Variants in NECAB1 observed in about 807,000 individuals in gnomAD.
NECAB1 encodes N-terminal EF-hand calcium binding protein 1.
In NECAB1, 29 loss-of-function variants were observed where a neutral mutation model predicts 57.5. The observed-to-expected ratio is 0.50, with a 90% confidence interval of 0.38 to 0.69. The LOEUF is 0.69. Ranked by LOEUF, NECAB1 falls within the 30% of genes least tolerant of loss-of-function variation. The pLI, the probability that NECAB1 is intolerant of heterozygous loss-of-function variation, is 0.00. For missense variants in NECAB1, 372 were observed against 413.8 expected (o/e 0.90, Z 0.88); for synonymous variants, 142 against 147.7 (o/e 0.96, Z 0.28).
At chr8:90,849,668 T>G (rs1812643620) in intron 3 of NECAB1, among the ~76,000 whole-genome samples, 1 of 149,578 alleles carries the variant, frequency 6.7e-6, no homozygotes, top group African/African-American at 2.5e-5. Flanking sequence ...AGTTTTTTTA[T>G]GTTTAAAGTT....
intron 10 of NECAB1, among the ~76,000 whole-genome samples, chr8:90,947,439 T>G (rs370758964): frequency 1.1e-4 from 16 of 150,530 alleles, no homozygotes; most frequent in African/African-American, 3.7e-4. Context: ...CTCGCTCTGT[T>G]GCCCAGGCTG....
At chr8:90,916,798 G>GTCTGCAGTGACC (rs969900448) in intron 5 of NECAB1, among the ~76,000 whole-genome samples, 4 of 152,086 alleles carry the variant, frequency 2.6e-5, no homozygotes, top group African/African-American at 9.7e-5. Context: ...CACTTATTCA[G>GTCTGCAGTGACC]TCTGCAGTGA....
At chr8:90,924,459 G>A (rs1563536474) in intron 6 of NECAB1, among the ~76,000 whole-genome samples, 1 of 152,056 alleles carries the variant, frequency 6.6e-6, no homozygotes, top group Non-Finnish European at 1.5e-5. Flanking sequence ...GAAAATTTTT[G>A]GATGAGTACA....
intron 4 of NECAB1, among the ~76,000 whole-genome samples, chr8:90,880,077 T>C (rs1808809216): frequency 6.6e-6 from 1 of 152,220 alleles, no homozygotes. Context: ...TATAAACAAA[T>C]ATTTCCTAGA....
At position 90,959,074 on chromosome 8, in the gene NECAB1, C is replaced by G. The variant is rs939613401; in HGVS notation, c.*3562C>G. On this transcript the variant is annotated 3_prime_UTR_variant, in exon 13 of 13. Coordinates refer to ENST00000417640, the MANE Select transcript of NECAB1 (RefSeq NM_022351.5). ...AGTTAATTTATCAATTGATTGAATA[C>G]AGTTTTTACTAATTAGTTTATCAAA... 1.7e-5 allele frequency: 16 copies of G among 921,794 alleles called. No homozygotes were observed. Among genetic ancestry groups the G allele is most frequent in the Non-Finnish European group, 2.4e-5 (15 of 620,668 alleles). 57.1% of individuals were successfully genotyped at this position (921,794 alleles called of 1,614,324 possible).
At chr8:90,853,180 G>A (rs1342002034) in intron 3 of NECAB1, among the ~76,000 whole-genome samples, 1 of 152,250 alleles carries the variant, frequency 6.6e-6, no homozygotes, top group Non-Finnish European at 1.5e-5. Context: ...CTCCTGTGAG[G>A]GGTGGAGTGC....
At chr8:90,945,095 G>A (rs949321483) in intron 10 of NECAB1, among the ~76,000 whole-genome samples, 8 of 151,556 alleles carry the variant, frequency 5.3e-5, no homozygotes, top group South Asian at 4.2e-4. Flanking sequence ...ATGGAGTCTC[G>A]CTCTGTCGCC....
chr8:90,944,153 TA>T (rs1314254579), intron 10 of NECAB1, among the ~76,000 whole-genome samples: 1 of 152,204 alleles, frequency 6.6e-6, no homozygotes, highest in African/African-American at 2.4e-5. Flanking sequence ...TGTCTGACTC[TA>T]AAACTAGCGT....
rs192171136 is a variant in NECAB1 at position 90,929,907 on chromosome 8, T to A, written c.693+1608T>A. Among the ~76,000 whole-genome samples, 49 of 152,250 alleles carry A rather than the reference T, an allele frequency of 3.2e-4. 1 individual carries two copies. The highest frequency in any genetic ancestry group is 1.2e-3 in the African/African-American group (48 of 41,552). ...AAGAGTCTTTCATGTAGGGAAGTAG[T>A]AACAAATAAGGTTGTATGGACCGAA... On this transcript the variant is annotated intron_variant, in intron 8 of 12. Coordinates refer to ENST00000417640, the MANE Select transcript of NECAB1 (RefSeq NM_022351.5).
chr8:90,833,846 T>A (rs1208576579), intron 3 of NECAB1, among the ~76,000 whole-genome samples: 1 of 152,130 alleles, frequency 6.6e-6, no homozygotes, highest in Non-Finnish European at 1.5e-5. Context: ...CAGTTACAGT[T>A]GTTCTCCATG....
At chr8:90,805,355 A>G (rs2129652999) in intron 2 of NECAB1, among the ~76,000 whole-genome samples, 2 of 150,694 alleles carry the variant, frequency 1.3e-5, no homozygotes, top group South Asian at 4.2e-4. Context: ...AATAGGCAGT[A>G]TAATTGTTCG....
intron 3 of NECAB1, among the ~76,000 whole-genome samples, chr8:90,863,846 T>C (rs2129818481): frequency 6.6e-6 from 1 of 152,304 alleles, no homozygotes; most frequent in Admixed American, 6.5e-5. Flanking sequence ...AAATAGAAGC[T>C]AGTTTTTATT....
At position 90,917,553 on chromosome 8, in the gene NECAB1, T is replaced by A. The variant is rs960930533; in HGVS notation, c.419T>A (p.Leu140Gln). Residue 140 changes from leucine to glutamine, a missense_variant, in exon 6 of 13, where the codon CTG (leucine) becomes CAG (glutamine). Transcript: ENST00000417640. ...ACTAGATTTTTATTGAAGGAAACCC[T>A]GAATCAGCTGCAGTCTCTCCAGAAT... is the stretch of plus-strand genomic sequence containing the variant. ...FVTRFLLKETLNQLQSLQNSL... is the reference protein window; with the variant it reads ...FVTRFLLKETQNQLQSLQNSL... 2 of 1,612,098 alleles carry A rather than the reference T, an allele frequency of 1.2e-6. No individual in the cohort carries two copies. Among genetic ancestry groups the A allele is most frequent in the Non-Finnish European group, 1.7e-6 (2 of 1,178,808 alleles).
At chr8:90,859,334 AAAC>A (rs752642136) in intron 3 of NECAB1, 1 of 152,212 alleles carries the variant, frequency 6.6e-6, no homozygotes, top group Admixed American at 6.5e-5. Flanking sequence ...CTATCCATTG[AAAC>A]AACGAGTATT....
intron 2 of NECAB1, among the ~76,000 whole-genome samples, chr8:90,822,414 A>G (rs1586041270): frequency 6.6e-6 from 1 of 151,940 alleles, no homozygotes; most frequent in Non-Finnish European, 1.5e-5. Flanking sequence ...GGCCACCTAA[A>G]GTGAAGTCTT....
chr8:90,824,912 C>T (rs566879244), intron 3 of NECAB1, 87 bp downstream of exon 3: 2 of 651,994 alleles, frequency 3.1e-6, no homozygotes, highest in Admixed American at 3.2e-5. Flanking sequence ...AAGGGAAGAA[C>T]AATATAGAGG....
At chr8:90,883,094 A>G (rs900780016) in intron 5 of NECAB1, among the ~76,000 whole-genome samples, 1 of 152,204 alleles carries the variant, frequency 6.6e-6, no homozygotes, top group African/African-American at 2.4e-5. Context: ...CCTTGTATTA[A>G]GACAATGAGA....
intron 3 of NECAB1, among the ~76,000 whole-genome samples, chr8:90,850,099 C>T (rs1812654734): frequency 6.6e-6 from 1 of 152,082 alleles, no homozygotes; most frequent in Admixed American, 6.6e-5. Context: ...TTTCAAATCA[C>T]TTAAACTTCT....
At chr8:90,879,863 A>T (rs1808805911) in intron 4 of NECAB1, among the ~76,000 whole-genome samples, 1 of 152,210 alleles carries the variant, frequency 6.6e-6, no homozygotes, top group Non-Finnish European at 1.5e-5. Context: ...GATAGTTTAC[A>T]CCACATTGTT....
Sources: gnomAD v4.1 joint callset for allele counts (sites outside exome capture counted in the v4.1 genomes callset) on GRCh38, gnomAD v4.1.1 for gene constraint, MANE v1.5 for transcripts, NCBI Gene and HGNC (gene_info 2026-07-23, HGNC 2026-07-21) for gene names.